ABCG1: variants seen among roughly 807,000 people sequenced by gnomAD.
The protein encoded by ABCG1 is ATP binding cassette subfamily G member 1, also known as ATP-binding cassette sub-family G member 1.
ABCG1 carries 29 observed loss-of-function variants against 69.2 expected under a neutral mutation model. That is an observed-to-expected ratio of 0.42 (90% CI 0.31 to 0.57). The LOEUF (loss-of-function observed/expected upper bound fraction) is 0.57. Ranked by LOEUF, ABCG1 falls within the 20% of genes least tolerant of loss-of-function variation. ABCG1 has a pLI of 0.15. For missense variants in ABCG1, 718 were observed against 898.1 expected, an observed-to-expected ratio of 0.80 and a Z score of 2.56; for synonymous variants, 370 against 374.8, an observed-to-expected ratio of 0.99 and a Z score of 0.15.
At chr21:42,279,746 T>C (rs2068774326) in intron 5 of ABCG1, among the ~76,000 whole-genome samples, 1 of 152,208 alleles carries the variant, frequency 6.6e-6, no homozygotes, top group South Asian at 2.1e-4. Flanking sequence ...TGAGTGCTGC[T>C]CAGCAGGCTC....
Position 42,296,223 on chromosome 21 carries a change from G to A in ABCG1, c.1832G>A (p.Cys611Tyr). 1 of 1,614,178 alleles carries A rather than the reference G, an allele frequency of 6.2e-7. No homozygotes were observed. The highest frequency in any genetic ancestry group is 8.5e-7 in the Non-Finnish European group (1 of 1,180,032). ...IYGLDREDLH[C>Y]DIDETCHFQK... ...GGCTTAGACCGGGAAGATCTGCACT[G>A]TGACATCGACGAGACGTGCCACTTC... is the stretch of plus-strand genomic sequence containing the variant. Residue 611 changes from cysteine to tyrosine, a missense_variant, in exon 15 of 15, where the codon TGT (cysteine) becomes TAT (tyrosine). By Grantham distance (194) the Cys-to-Tyr change is radical. Around this residue, in one of 2 missense-constraint regions of ABCG1, gnomAD observed 204 missense variants for 323.8 expected, o/e 0.63. Transcript: ENST00000398449. The surrounding 1 kb of genome is among the most constrained non-coding windows in gnomAD (Gnocchi z 5.4).
intron 2 of ABCG1, among the ~76,000 whole-genome samples, chr21:42,267,204 C>T (rs368079532): frequency 6.6e-5 from 10 of 152,342 alleles, no homozygotes; most frequent in East Asian, 1.9e-4. Flanking sequence ...GCCCGCCTAG[C>T]GCTCTCGCGG....
At chr21:42,295,650 C>T (rs1324887592) in intron 14 of ABCG1, among the ~76,000 whole-genome samples, 1 of 152,226 alleles carries the variant, frequency 6.6e-6, no homozygotes, top group Admixed American at 6.5e-5. Flanking sequence ...GAAAACAAAG[C>T]ACTTGTACAG....
intron 2 of ABCG1, chr21:42,256,579 T>C: frequency 6.5e-7 from 1 of 1,528,548 alleles, no homozygotes; most frequent in Non-Finnish European, 8.9e-7. Context: ...CACTGACCCA[T>C]GAAGAGAAAG....
chr21:42,287,968 A>G lies in ABCG1; in HGVS notation c.1053A>G (p.Ser351=), dbSNP rs749626555. The change falls in exon 9 of 15, where the codon TCA becomes TCG. Residue 351 remains serine (S), a synonymous_variant. Transcript: ENST00000398449. The surrounding 1 kb of genome is among the most constrained non-coding windows in gnomAD (Gnocchi z 6.2). The part of the protein sequence containing the change: ...VRAVREGMCD[S]DHKRDLGGDA... ...CGGTTCGGGAGGGCATGTGTGACTC[A>G]GACCACAAGAGAGACCTCGGGGGTG... The G allele has an allele frequency of 1.2e-6, 2 of 1,613,788 alleles. No homozygotes were observed. The highest frequency in any genetic ancestry group is 8.5e-7 in the Non-Finnish European group (1 of 1,179,778).
intron 2 of ABCG1, among the ~76,000 whole-genome samples, chr21:42,240,166 C>T (rs2068030794): frequency 6.6e-6 from 1 of 152,176 alleles, no homozygotes; most frequent in African/African-American, 2.4e-5. Context: ...TTATGCCAGA[C>T]CACGGTGCCT....
intron 2 of ABCG1, among the ~76,000 whole-genome samples, chr21:42,229,272 T>A (rs1321165807): frequency 3.9e-5 from 6 of 152,274 alleles, no homozygotes; most frequent in Non-Finnish European, 7.3e-5. Flanking sequence ...GCTCTCAGTA[T>A]ATTCATTTTG....
At chr21:42,221,467 G>A (rs761143051) in intron 1 of ABCG1, among the ~76,000 whole-genome samples, 2 of 152,120 alleles carry the variant, frequency 1.3e-5, no homozygotes, top group Admixed American at 6.5e-5. Context: ...CCAGGCACTC[G>A]GGGGAACATG....
Position 42,291,641 on chromosome 21 carries a change from C to T in ABCG1, c.1638C>T (p.Ala546=). ...CCCTGGGCCTGCTGATCGGAGCCGCCTCCACGTCCCTGCAGGTGCCAGCCC... is the reference window on the plus strand; with the variant it reads ...CCCTGGGCCTGCTGATCGGAGCCGCTTCCACGTCCCTGCAGGTGCCAGCCC... ...AQSLGLLIGA[A]STSLQVATFV... is the part of the protein sequence containing the mutation. The change falls in exon 13 of 15, where the codon GCC becomes GCT. Residue 546 remains alanine, a synonymous_variant. Transcript: ENST00000398449. This position sits in a 1 kb window ranked among gnomAD's most constrained non-coding sequence, Gnocchi z 6.4. 1.2e-6 allele frequency: 2 copies of T among 1,603,200 alleles called. No homozygotes were observed. The highest frequency in any genetic ancestry group is 1.1e-5 in the South Asian group (1 of 90,906).
intron 2 of ABCG1, among the ~76,000 whole-genome samples, chr21:42,234,104 C>A (rs865877047): frequency 1.3e-5 from 2 of 152,068 alleles, no homozygotes; most frequent in African/African-American, 4.8e-5. Flanking sequence ...TGGCGCTTTG[C>A]CTCATTAAGC....
At chr21:42,223,607 T>C (rs906264551) in intron 1 of ABCG1, among the ~76,000 whole-genome samples, 11 of 152,140 alleles carry the variant, frequency 7.2e-5, no homozygotes, top group Non-Finnish European at 1.5e-4. Context: ...CCTTAACCTA[T>C]TGTAATGAGT....
At position 42,294,514 on chromosome 21, in the gene ABCG1, C is replaced by G. The variant is rs2069165284; in HGVS notation, c.1654-28C>G. 3 of 1,578,658 alleles carry G rather than the reference C, an allele frequency of 1.9e-6. No homozygotes were observed. The South Asian group carries it at 3.3e-5, about 17-fold the overall frequency. On this transcript the variant is annotated intron_variant, in intron 13 of 14. Coordinates refer to ENST00000398449, the MANE Select transcript of ABCG1 (RefSeq NM_016818.3). ...GGAGGCCAGGCTGCAGGTTCTGCTACATCTGTCCTGTGTGCCCCCAACTCC... is the reference window on the plus strand; with the variant it reads ...GGAGGCCAGGCTGCAGGTTCTGCTAGATCTGTCCTGTGTGCCCCCAACTCC...
At chr21:42,249,622 T>A (rs551778178) in intron 2 of ABCG1, among the ~76,000 whole-genome samples, 1 of 152,306 alleles carries the variant, frequency 6.6e-6, no homozygotes, top group African/African-American at 2.4e-5. Context: ...TATATAAGCA[T>A]CAGCTATTGC....
At chr21:42,213,018 G>A (rs765629088), upstream of ABCG1, among the ~76,000 whole-genome samples, 6 of 152,222 alleles carry the variant, frequency 3.9e-5, no homozygotes, top group Non-Finnish European at 7.3e-5. Context: ...TAGTCAAAAA[G>A]GAGGCAGAAC....
chr21:42,229,013 C>T (rs910059374), intron 2 of ABCG1, among the ~76,000 whole-genome samples: 2 of 152,260 alleles, frequency 1.3e-5, no homozygotes, highest in Non-Finnish European at 2.9e-5. Flanking sequence ...CCTGGTCCGC[C>T]TCTGCGCCTG....
intron 2 of ABCG1, among the ~76,000 whole-genome samples, chr21:42,258,007 CCCCA>C: frequency 8.4e-6 from 1 of 119,650 alleles, no homozygotes; most frequent in Non-Finnish European, 1.8e-5. Flanking sequence ...CCTCCCATTT[CCCCA>C]TCCACTCCAT....
At chr21:42,211,263 A>C (rs1208871331), upstream of ABCG1, among the ~76,000 whole-genome samples, 1 of 152,194 alleles carries the variant, frequency 6.6e-6, no homozygotes, top group African/African-American at 2.4e-5. Context: ...TGGCCTCAGC[A>C]TTCCCATTTC....
chr21:42,252,357 G>T (rs570922002), intron 2 of ABCG1, among the ~76,000 whole-genome samples: 31 of 152,114 alleles, frequency 2.0e-4, no homozygotes, highest in Admixed American at 4.6e-4. Flanking sequence ...ATAGTAATTT[G>T]ATATATTAGA....
chr21:42,237,611 A>G (rs2067996297), intron 2 of ABCG1, among the ~76,000 whole-genome samples: 1 of 152,232 alleles, frequency 6.6e-6, no homozygotes. Flanking sequence ...TGGCATGCAA[A>G]TGAATGAATG....
Sources: gnomAD v4.1 joint callset for allele counts (sites outside exome capture counted in the v4.1 genomes callset) on GRCh38, gnomAD v4.1.1 for gene constraint, gnomAD v4.1.1 regional missense constraint, Gnocchi (gnomAD v3.1) non-coding constraint, MANE v1.5 for transcripts, NCBI Gene and HGNC (gene_info 2026-07-23, HGNC 2026-07-21) for gene names.